GPR173: variants seen among roughly 807,000 people sequenced by gnomAD.
GPR173 encodes the protein G protein-coupled receptor 173.
GPR173 carries 2 observed loss-of-function variants against 13.9 expected under a neutral mutation model. The observed-to-expected ratio is 0.14, with a 90% CI of 0.06 to 0.45. The LOEUF (loss-of-function observed/expected upper bound fraction) is 0.45. Among genes scored for constraint, GPR173 ranks in the 20% least tolerant of loss-of-function variants. GPR173 has a pLI of 0.98. For synonymous variants in GPR173, 131 were observed against 141.0 expected, an observed-to-expected ratio of 0.93 and a Z score of 0.50; for missense variants, 202 against 340.5, an observed-to-expected ratio of 0.59 and a Z score of 3.20.
intron 1 of GPR173, among the ~76,000 whole-genome samples, chrX:53,066,595 G>A (rs1556804246): frequency 9.1e-6 from 1 of 109,554 alleles, no homozygotes; most frequent in East Asian, 2.8e-4. Flanking sequence ...TTGAACCCAG[G>A]AGGCGGAGGT....
At position 53,075,718 on chromosome X, in the gene GPR173, C is replaced by T. The variant is rs187815472; in HGVS notation, c.-97-807C>T. Among the ~76,000 whole-genome samples, 44 of 110,556 alleles carry T rather than the reference C, an allele frequency of 4.0e-4. 1 individual carries two copies. Among genetic ancestry groups the T allele is most frequent in the Admixed American group, 3.6e-3 (36 of 10,109 alleles). On this transcript the variant is annotated intron_variant, in intron 1 of 1. Coordinates refer to ENST00000332582, the MANE Select transcript of GPR173 (RefSeq NM_018969.6). ...TCACCTTCCACCACTGTCTCCCTTG[C>T]TCTCACCGTTCCTGCCTCACTCGTC...
chrX:53,050,405 A>G (rs1334878350), intron 1 of GPR173, among the ~76,000 whole-genome samples: 1 of 112,198 alleles, frequency 8.9e-6, no homozygotes, highest in African/African-American at 3.2e-5. Flanking sequence ...TGTGCCCAGT[A>G]GCCGGAGGTC....
chrX:53,052,798 G>A (rs1441234269), intron 1 of GPR173, among the ~76,000 whole-genome samples: 1 of 111,246 alleles, frequency 9.0e-6, no homozygotes, highest in African/African-American at 3.3e-5. Flanking sequence ...GTAAGGTAAC[G>A]TCCATGCATG....
intron 1 of GPR173, among the ~76,000 whole-genome samples, chrX:53,072,725 G>C (rs1932278848): frequency 9.0e-6 from 1 of 110,904 alleles, no homozygotes; most frequent in South Asian, 3.8e-4. Context: ...GAGAGAGAAA[G>C]AGAAAGAGAG....
intron 1 of GPR173, among the ~76,000 whole-genome samples, chrX:53,050,621 G>A (rs1294544591): frequency 8.9e-6 from 1 of 112,257 alleles, no homozygotes; most frequent in African/African-American, 3.2e-5. Flanking sequence ...AGTAAGAGAT[G>A]TGCATCGAGG....
chrX:53,073,516 A>C lies in GPR173; in HGVS notation c.-97-3009A>C, dbSNP rs993088030. 2.7e-5 allele frequency among the ~76,000 whole-genome samples: 3 copies of C among 109,445 alleles called. No individual in the cohort carries two copies. The Admixed American group carries it at 3.0e-4, about 11-fold the overall frequency. ...TTTGCTGCGCTGCTCTCACCACCAG[A>C]TGTACCCCCCAGGCTGCTGTTGTAG... On this transcript the variant is annotated intron_variant, in intron 1 of 1. Transcript: ENST00000332582.
At chrX:53,055,428 G>A (rs1932019129) in intron 1 of GPR173, among the ~76,000 whole-genome samples, 1 of 110,448 alleles carries the variant, frequency 9.1e-6, no homozygotes, top group Non-Finnish European at 1.9e-5. Context: ...TTGGGTGATG[G>A]AGTGTGTAGT....
intron 1 of GPR173, among the ~76,000 whole-genome samples, chrX:53,059,529 C>G (rs1342696298): frequency 9.1e-6 from 1 of 109,946 alleles, no homozygotes; most frequent in African/African-American, 3.3e-5. Flanking sequence ...TGGTGACTCA[C>G]ACCTGTAATC....
At position 53,064,128 on chromosome X, in the gene GPR173, T is replaced by C. The variant is rs138237477; in HGVS notation, c.-97-12397T>C. Among the ~76,000 whole-genome samples the C allele has an allele frequency of 6.5e-3, 731 of 111,712 alleles. 10 individuals are homozygous for C. The highest frequency in any genetic ancestry group is 0.022 in the African/African-American group (686 of 30,778). The stretch of plus-strand genomic sequence containing the variant: ...AGGCTTTTTCTAGCCTGCTCCTCCA[T>C]ATTCTTTCAACCTCTACCCATTACC... On this transcript the variant is annotated intron_variant, in intron 1 of 1. Coordinates refer to ENST00000332582, the MANE Select transcript of GPR173 (RefSeq NM_018969.6).
intron 1 of GPR173, among the ~76,000 whole-genome samples, chrX:53,068,952 CTTT>C (rs144589965): frequency 3.1e-5 from 2 of 64,904 alleles, no homozygotes; most frequent in Non-Finnish European, 2.6e-5. Context: ...GACCTTGTCT[CTTT>C]TTTTTTTTTT....
chrX:53,074,377 AAT>A (rs375060534), intron 1 of GPR173, among the ~76,000 whole-genome samples: 5 of 331 alleles, frequency 0.015, no homozygotes, highest in Admixed American at 0.03. Flanking sequence ...TTTATAAATA[AAT>A]ATATAAATAT....
In GPR173 at chrX:53,078,022, C is replaced by G. The variant is rs202024330; in HGVS notation, c.*279C>G. 2,718 of 168,746 alleles carry G rather than the reference C, an allele frequency of 0.016. 89 individuals carry two copies. The African/African-American group carries it at 0.2, about 12-fold the overall frequency. 13.9% of individuals were successfully genotyped at this position (168,746 alleles called of 1,213,427 possible). On this transcript the variant is annotated 3_prime_UTR_variant, in exon 2 of 2. Coordinates refer to ENST00000332582, the MANE Select transcript of GPR173 (RefSeq NM_018969.6). ...ATTCTCTCTCTCTCTCTCTCTGTCTCTCTCTCTCTCTCTCTCTCTCTCTCA... is the reference window on the plus strand; with the variant it reads ...ATTCTCTCTCTCTCTCTCTCTGTCTGTCTCTCTCTCTCTCTCTCTCTCTCA...
In GPR173 at chrX:53,078,026, C is replaced by T; in HGVS notation, c.*283C>T. On this transcript the variant is annotated 3_prime_UTR_variant, in exon 2 of 2. Coordinates refer to ENST00000332582, the MANE Select transcript of GPR173 (RefSeq NM_018969.6). ...TCTCTCTCTCTCTCTCTGTCTCTCT[C>T]TCTCTCTCTCTCTCTCTCTCAGAAG... 3.1e-6 allele frequency: 1 copy of T among 317,927 alleles called. No individual in the cohort carries two copies. The highest frequency in any genetic ancestry group is 5.1e-5 in the East Asian group (1 of 19,598). 26.2% of individuals were successfully genotyped at this position (317,927 alleles called of 1,213,427 possible). A position where few individuals can be genotyped will look rare whatever the true frequency, so the allele number is the denominator to read the frequency against.
At chrX:53,061,903 G>A (rs1932129860) in intron 1 of GPR173, among the ~76,000 whole-genome samples, 1 of 109,682 alleles carries the variant, frequency 9.1e-6, no homozygotes, top group Admixed American at 9.9e-5. Context: ...TCCTTCCTGC[G>A]TCATCCCATA....
chrX:53,063,236 A>G (rs1308469964), intron 1 of GPR173, among the ~76,000 whole-genome samples: 10 of 110,710 alleles, frequency 9.0e-5, no homozygotes, highest in Non-Finnish European at 1.5e-4. Flanking sequence ...CACCATGTGG[A>G]CACCATCAAG....
chrX:53,064,228 A>G (rs1932161475), intron 1 of GPR173, among the ~76,000 whole-genome samples: 1 of 111,660 alleles, frequency 9.0e-6, no homozygotes, highest in Non-Finnish European at 1.9e-5. Context: ...TTCTTAGTCC[A>G]TTTCGCGCTA....
rs782496621 is a variant in GPR173 at position 53,077,101 on chromosome X, T to C, written c.480T>C (p.Phe160=). 3 of 1,209,994 alleles carry C rather than the reference T, an allele frequency of 2.5e-6. No homozygotes were observed. Among genetic ancestry groups the C allele is most frequent in the Non-Finnish European group, 3.4e-6 (3 of 894,076 alleles). ...LSVAMAFPPV[F]DVGTYKFIRE... ...TGGCCATGGCCTTCCCACCTGTCTT[T>C]GACGTGGGCACCTACAAGTTTATTC... The change falls in exon 2 of 2, where the codon TTT becomes TTC. Residue 160 remains phenylalanine, a synonymous_variant. Transcript: ENST00000332582.
At chrX:53,051,253 G>A (rs1931952855) in intron 1 of GPR173, among the ~76,000 whole-genome samples, 1 of 108,747 alleles carries the variant, frequency 9.2e-6, no homozygotes, top group Non-Finnish European at 1.9e-5. Context: ...CACAGAGTGT[G>A]GGGTCGGTGG....
chrX:53,076,900 A>G lies in GPR173; in HGVS notation c.279A>G (p.Ala93=), dbSNP rs1932442648. The change falls in exon 2 of 2, where the codon GCA becomes GCG. Residue 93 remains alanine, a synonymous_variant. Coordinates refer to ENST00000332582, the MANE Select transcript of GPR173 (RefSeq NM_018969.6). ...VRHGSSWTFS[A]LSCKIVAFMA... ...ACGGCTCTTCATGGACCTTCAGTGC[A>G]CTCAGCTGCAAGATTGTGGCCTTTA... is the stretch of plus-strand genomic sequence containing the variant. The G allele has an allele frequency of 8.3e-7, 1 of 1,209,542 alleles. No homozygotes were observed. Among genetic ancestry groups the G allele is most frequent in the Non-Finnish European group, 1.1e-6 (1 of 895,090 alleles).
Sources: allele counts gnomAD v4.1 joint callset (sites outside exome capture counted in the v4.1 genomes callset), GRCh38; gene constraint gnomAD v4.1.1; transcripts MANE v1.5; gene names NCBI Gene and HGNC (gene_info 2026-07-23, HGNC 2026-07-21).